The following XDH variants were observed in gnomAD, a reference collection of about 807,000 sequenced individuals.
XDH encodes xanthine dehydrogenase/oxidase.
Under a neutral mutation model 156.1 loss-of-function variants are expected in XDH, and 138 were observed. That is an observed-to-expected ratio of 0.88 (90% CI 0.77 to 1.02). The LOEUF is 1.02. Among genes scored for constraint, XDH ranks in the 50% least tolerant of loss-of-function variants. The pLI, the probability that XDH is intolerant of heterozygous loss-of-function variation, is 0.00. For missense variants in XDH, 1,849 were observed against 1,684.9 expected, an observed-to-expected ratio of 1.10 and a Z score of -1.71; for synonymous variants, 669 against 625.7, an observed-to-expected ratio of 1.07 and a Z score of -1.03.
At chr2:31,337,587 C>T in intron 35 of XDH, 54 bp downstream of exon 35, 11 of 1,612,046 alleles carry the variant, frequency 6.8e-6, no homozygotes, top group Admixed American at 1.7e-5. Flanking sequence ...CTGCAGTTTG[C>T]CAGCCTATCC....
At chr2:31,399,164 C>G (rs1364802905) in intron 4 of XDH, among the ~76,000 whole-genome samples, 2 of 152,136 alleles carry the variant, frequency 1.3e-5, no homozygotes, top group Non-Finnish European at 1.5e-5. Context: ...GCCATTGACT[C>G]AGATGGGAGA....
rs140113536 is a variant in XDH, at chr2:31,390,080, T to C, written c.496-1785A>G. 3.5e-3 allele frequency among the ~76,000 whole-genome samples: 530 copies of C among 152,298 alleles called. 3 individuals carry two copies. The highest frequency in any genetic ancestry group is 0.013 in the African/African-American group (521 of 41,562). Reference sequence around the variant, plus strand: ...TCTTGGTGTTGTACATTCCATTGGTTTTGACAAATGCATGATTACAGGTGT... The same window carrying C: ...TCTTGGTGTTGTACATTCCATTGGTCTTGACAAATGCATGATTACAGGTGT... On this transcript the variant is annotated intron_variant, in intron 6 of 35. Transcript: ENST00000379416.
chr2:31,348,776 CAA>C, intron 27 of XDH, 121 bp downstream of exon 27: 4 of 868,798 alleles, frequency 4.6e-6, no homozygotes, highest in Non-Finnish European at 7.6e-6. Context: ...ATTTAAAGAG[CAA>C]AGAGTTCCTC....
chr2:31,335,788 C>A lies in XDH; in HGVS notation c.*170G>T, dbSNP rs1558669923. The A allele has an allele frequency of 1.3e-6, 1 of 752,048 alleles. No individual in the cohort carries two copies. Among genetic ancestry groups the A allele is most frequent in the East Asian group, 2.7e-5 (1 of 37,330 alleles). 46.6% of individuals were successfully genotyped at this position (752,048 alleles called of 1,614,324 possible). A position where few individuals can be genotyped will look rare whatever the true frequency, so the allele number is the denominator to read the frequency against. Reference sequence around the variant, plus strand: ...TGCTTATCATTGTGTTTACAAATTACATTTTTGATCAAAATCTTCCATTGC... The same window carrying A: ...TGCTTATCATTGTGTTTACAAATTAAATTTTTGATCAAAATCTTCCATTGC... On this transcript the variant is annotated 3_prime_UTR_variant, in exon 36 of 36. Transcript: ENST00000379416.
chr2:31,400,073 C>A (rs1687014707), intron 4 of XDH, among the ~76,000 whole-genome samples: 2 of 152,070 alleles, frequency 1.3e-5, no homozygotes, highest in African/African-American at 2.4e-5. Context: ...AGATGGGAAG[C>A]AATCCCACCC....
intron 4 of XDH, 49 bp from the exon 5 acceptor site, chr2:31,398,748 G>C (rs1234464571): frequency 1.9e-6 from 3 of 1,610,840 alleles, no homozygotes; most frequent in Non-Finnish European, 2.5e-6. Flanking sequence ...AACCCTCCCA[G>C]GCTCCCCAAA....
chr2:31,387,012 G>A (rs1019585817), intron 8 of XDH, among the ~76,000 whole-genome samples: 34 of 119,224 alleles, frequency 2.9e-4, no homozygotes, highest in African/African-American at 9.7e-4. Flanking sequence ...AGGAAGGAAG[G>A]AAGGAAGGAA....
chr2:31,409,371 G>A (rs1156440706), intron 1 of XDH, among the ~76,000 whole-genome samples: 2 of 152,202 alleles, frequency 1.3e-5, no homozygotes, highest in East Asian at 1.9e-4. Flanking sequence ...ATTACACATT[G>A]CATGCCTATA....
chr2:31,388,877 G>A (rs1413904841), intron 6 of XDH, among the ~76,000 whole-genome samples: 1 of 152,218 alleles, frequency 6.6e-6, no homozygotes, highest in Non-Finnish European at 1.5e-5. Flanking sequence ...CTGTGGGCCT[G>A]TTCTGGAGAA....
intron 16 of XDH, among the ~76,000 whole-genome samples, chr2:31,373,589 C>T (rs900557506): frequency 6.6e-6 from 1 of 151,702 alleles, no homozygotes; most frequent in African/African-American, 2.4e-5. Flanking sequence ...AAGAAGACGT[C>T]TGGCTTTGTA....
At position 31,339,438 on chromosome 2, in the gene XDH, C is replaced by T. The variant is rs192632717; in HGVS notation, c.3774+51G>A. On this transcript the variant is annotated intron_variant, in intron 34 of 35. Transcript: ENST00000379416. Reference sequence around the variant, plus strand: ...TGAGGCCTCTCATCACCCGCTGGGGCCTCCCCCAGGGCAGATCAGAAGAGA... The same window carrying T: ...TGAGGCCTCTCATCACCCGCTGGGGTCTCCCCCAGGGCAGATCAGAAGAGA... 1.4e-4 allele frequency: 230 copies of T among 1,611,370 alleles called. No homozygotes were observed. The East Asian group carries it at 4.5e-3, about 31-fold the overall frequency.
At chr2:31,388,691 G>T (rs1233764568) in intron 6 of XDH, among the ~76,000 whole-genome samples, 3 of 152,186 alleles carry the variant, frequency 2.0e-5, no homozygotes, top group African/African-American at 7.2e-5. Context: ...TTCCAGATCA[G>T]CAAGGTTCTA....
rs1019932372 is a variant in XDH at position 31,344,712 on chromosome 2, C to G, written c.3376G>C (p.Val1126Leu). The G allele has an allele frequency of 1.2e-6, 2 of 1,614,074 alleles. No homozygotes were observed. The highest frequency in any genetic ancestry group is 2.7e-5 in the African/African-American group (2 of 74,934). Reference protein sequence around the residue: ...DWVTAAYMDTVSLSATGFYRT... With the variant: ...DWVTAAYMDTLSLSATGFYRT... Reference sequence around the variant, plus strand: ...TAAAACCCAGTGGCAGACAAGCTCACTGTGTCCATGTAGGCAGCTGTGACC... The same window carrying G: ...TAAAACCCAGTGGCAGACAAGCTCAGTGTGTCCATGTAGGCAGCTGTGACC... Residue 1126 changes from valine to leucine, a missense_variant, in exon 31 of 36, where the codon GTG becomes CTG. Val to Leu is a conservative substitution (Grantham distance 32). Transcript: ENST00000379416.
chr2:31,358,620 A>G (rs181237239), intron 24 of XDH, among the ~76,000 whole-genome samples: 227 of 152,292 alleles, frequency 1.5e-3, no homozygotes, highest in Admixed American at 5.2e-3. Flanking sequence ...ATCAATGAAT[A>G]CAATCCACAA....
chr2:31,353,411 T>C (rs1276023888), intron 24 of XDH, among the ~76,000 whole-genome samples: 1 of 152,130 alleles, frequency 6.6e-6, no homozygotes, highest in Non-Finnish European at 1.5e-5. Context: ...ATACTTCCAT[T>C]AAGTACCACT....
chr2:31,359,523 T>C (rs1414303553), intron 24 of XDH, among the ~76,000 whole-genome samples: 1 of 152,170 alleles, frequency 6.6e-6, no homozygotes, highest in African/African-American at 2.4e-5. Flanking sequence ...AAAAATAACA[T>C]AATACAAACA....
intron 1 of XDH, among the ~76,000 whole-genome samples, chr2:31,407,767 A>C (rs976787064): frequency 1.9e-4 from 29 of 152,342 alleles, no homozygotes; most frequent in African/African-American, 6.5e-4. Flanking sequence ...TTTATTGACT[A>C]AGAGTAATAA....
chr2:31,413,329 C>G (rs1278076461), intron 1 of XDH, among the ~76,000 whole-genome samples: 1 of 152,168 alleles, frequency 6.6e-6, no homozygotes, highest in Non-Finnish European at 1.5e-5. Flanking sequence ...ATGCTGGATG[C>G]AAAATCTTAC....
At chr2:31,368,425 A>C in intron 19 of XDH, 116 bp downstream of exon 19, 1 of 1,355,572 alleles carries the variant, frequency 7.4e-7, no homozygotes, top group Non-Finnish European at 1.0e-6. Context: ...GGGATTTAAA[A>C]ACCCATCTAG....
Sources: gnomAD v4.1 joint callset for allele counts (sites outside exome capture counted in the v4.1 genomes callset) on GRCh38, gnomAD v4.1.1 for gene constraint, MANE v1.5 for transcripts, NCBI Gene and HGNC (gene_info 2026-07-23, HGNC 2026-07-21) for gene names.